The following ZFAT variants were observed in gnomAD, a reference collection of about 807,000 sequenced individuals.
The protein encoded by ZFAT is zinc finger and AT-hook domain containing, also known as zinc finger protein ZFAT.
A neutral mutation model predicts 117.7 loss-of-function variants in ZFAT; 64 were observed. The ratio of observed to expected loss-of-function variants is 0.54; its 90% confidence interval spans 0.44 to 0.67. ZFAT has a LOEUF of 0.67. Ranked by LOEUF, ZFAT falls within the 30% of genes least tolerant of loss-of-function variation. ZFAT has a pLI of 0.00. For missense variants in ZFAT, 1,433 were observed against 1,584.5 expected, an observed-to-expected ratio of 0.90 and a Z score of 1.62; for synonymous variants, 679 against 615.0, an observed-to-expected ratio of 1.10 and a Z score of -1.54.
intron 3 of ZFAT, among the ~76,000 whole-genome samples, chr8:134,620,182 G>A (rs181874394): frequency 6.6e-6 from 1 of 152,222 alleles, no homozygotes; most frequent in Admixed American, 6.5e-5. Context: ...AGGCACCACA[G>A]CATGCAAACA....
At chr8:134,515,063 G>A (rs1437149280) in intron 13 of ZFAT, among the ~76,000 whole-genome samples, 1 of 152,114 alleles carries the variant, frequency 6.6e-6, no homozygotes, top group African/African-American at 2.4e-5. Context: ...GTAGTGTTTG[G>A]TTTTCTGTTC....
the ZFAT span, among the ~76,000 whole-genome samples, chr8:134,721,844 T>C: frequency 6.6e-6 from 1 of 152,130 alleles, no homozygotes; most frequent in African/African-American, 2.4e-5. Context: ...CCCTGTGCCC[T>C]CTCCCAGCAG....
At chr8:134,621,551 T>C (rs1829107483) in intron 3 of ZFAT, among the ~76,000 whole-genome samples, 1 of 152,290 alleles carries the variant, frequency 6.6e-6, no homozygotes, top group East Asian at 1.9e-4. Flanking sequence ...GAAGTCCCCT[T>C]GTCCATCAAG....
the ZFAT span, among the ~76,000 whole-genome samples, chr8:134,737,740 T>C: frequency 1.3e-5 from 2 of 152,158 alleles, no homozygotes; most frequent in African/African-American, 2.4e-5. Flanking sequence ...TGGGAATCCA[T>C]CAGTTGATGA....
chr8:134,602,299 G>T lies in ZFAT; in HGVS notation c.1420C>A (p.Arg474Ser), dbSNP rs770534976. ...RKKFVSSIRLRTHIKEVHGAA... is the reference protein window; with the variant it reads ...RKKFVSSIRLSTHIKEVHGAA... ...CCGTGCACCTCTTTGATGTGGGTGC[G>T]CAGCCTGATGGAGCTGACGAACTTC... The change falls in exon 6 of 16, where the codon CGC (arginine) becomes AGC (serine). Residue 474 changes from arginine (R) to serine (S), a missense_variant. Arg to Ser is a moderately radical substitution (Grantham distance 110). Transcript: ENST00000377838. 4.3e-6 allele frequency: 7 copies of T among 1,613,834 alleles called. No individual in the cohort carries two copies. The Admixed American group carries it at 5.0e-5, about 12-fold the overall frequency.
At chr8:134,659,935 A>G (rs893505960) in intron 1 of ZFAT, among the ~76,000 whole-genome samples, 3 of 152,254 alleles carry the variant, frequency 2.0e-5, no homozygotes, top group African/African-American at 7.2e-5. Flanking sequence ...CCAACAACAC[A>G]TGAAATCAAA....
chr8:134,698,811 C>T (rs1833940960), intron 1 of ZFAT, among the ~76,000 whole-genome samples: 1 of 152,200 alleles, frequency 6.6e-6, no homozygotes, highest in South Asian at 2.1e-4. Context: ...TTCCTGCCTA[C>T]CTGATGTCTA....
At chr8:134,550,719 C>G (rs939609948) in intron 11 of ZFAT, among the ~76,000 whole-genome samples, 2 of 152,112 alleles carry the variant, frequency 1.3e-5, no homozygotes, top group Non-Finnish European at 2.9e-5. Flanking sequence ...CTTTAAACAT[C>G]TAAAATAGAA....
At chr8:134,543,051 G>C (rs1270375623) in intron 11 of ZFAT, among the ~76,000 whole-genome samples, 4 of 150,432 alleles carry the variant, frequency 2.7e-5, no homozygotes, top group African/African-American at 9.8e-5. Flanking sequence ...GAAGAGATGG[G>C]ATCATGTACA....
In ZFAT at chr8:134,634,493, G is replaced by GAGAAAT. The variant is rs61242766; in HGVS notation, c.448+2967_448+2968insATTTCT. Among the ~76,000 whole-genome samples, 7 of 151,922 alleles carry GAGAAAT rather than the reference G, an allele frequency of 4.6e-5. No individual in the cohort carries two copies. The South Asian group carries it at 1.5e-3, about 31-fold the overall frequency. ...ATATAAGTTGATGTGAGCTTTCTGG[G>GAGAAAT]CGCAATATTAACACACTTTCCAACC... On this transcript the variant is annotated intron_variant, in intron 3 of 15. Coordinates refer to ENST00000377838, the MANE Select transcript of ZFAT (RefSeq NM_020863.4).
chr8:134,479,359 GGTATCC>G (rs1248770963), intron 15 of ZFAT, among the ~76,000 whole-genome samples: 2 of 152,180 alleles, frequency 1.3e-5, no homozygotes, highest in Non-Finnish European at 2.9e-5. Flanking sequence ...GAGCCTTCTG[GGTATCC>G]GTCAGGGGAT....
chr8:134,615,950 C>G (rs910301369), intron 3 of ZFAT, among the ~76,000 whole-genome samples: 1 of 152,174 alleles, frequency 6.6e-6, no homozygotes, highest in African/African-American at 2.4e-5. Context: ...AAAAAGAACA[C>G]GCATGCTCGC....
At chr8:134,681,339 G>A (rs1245069047) in intron 1 of ZFAT, among the ~76,000 whole-genome samples, 2 of 152,136 alleles carry the variant, frequency 1.3e-5, no homozygotes, top group Non-Finnish European at 2.9e-5. Context: ...AGGGTCTGAA[G>A]GGCTGGCTTC....
chr8:134,619,717 G>C (rs1828983019), intron 3 of ZFAT, among the ~76,000 whole-genome samples: 1 of 152,186 alleles, frequency 6.6e-6, no homozygotes, highest in South Asian at 2.1e-4. Context: ...AATAGCAAGG[G>C]AAGGCCTCTT....
intron 9 of ZFAT, among the ~76,000 whole-genome samples, chr8:134,586,005 A>C (rs995958353): frequency 1.3e-5 from 2 of 151,948 alleles, no homozygotes; most frequent in African/African-American, 2.4e-5. Context: ...GGGTTTTTAA[A>C]TTTGTTTTTC....
At chr8:134,637,870 G>A (rs889798687) in intron 2 of ZFAT, among the ~76,000 whole-genome samples, 158 bp from the exon 3 acceptor site, 4 of 152,166 alleles carry the variant, frequency 2.6e-5, no homozygotes, top group African/African-American at 4.8e-5. Context: ...AACAATTATC[G>A]TTGGTGCTAA....
chr8:134,757,583 CAG>C, the ZFAT span, among the ~76,000 whole-genome samples: 1 of 152,082 alleles, frequency 6.6e-6, no homozygotes, highest in Non-Finnish European at 1.5e-5. Context: ...ACACTGGTGA[CAG>C]GGGACATGCT....
intron 15 of ZFAT, among the ~76,000 whole-genome samples, chr8:134,490,158 C>T (rs1019201332): frequency 6.6e-6 from 1 of 152,180 alleles, no homozygotes; most frequent in African/African-American, 2.4e-5. Context: ...GTCTGTGCCT[C>T]AGTTTACCAC....
chr8:134,596,134 C>A (rs989292925), intron 7 of ZFAT, among the ~76,000 whole-genome samples: 1 of 152,206 alleles, frequency 6.6e-6, no homozygotes, highest in Admixed American at 6.5e-5. Flanking sequence ...TTCTCCTGAC[C>A]TAGCTAGACC....
Sources: allele counts gnomAD v4.1 joint callset (sites outside exome capture counted in the v4.1 genomes callset), GRCh38; gene constraint gnomAD v4.1.1; transcripts MANE v1.5; gene names NCBI Gene and HGNC (gene_info 2026-07-23, HGNC 2026-07-21).